Variants in ZDHHC3 observed in about 807,000 individuals in gnomAD.
ZDHHC3 encodes the protein palmitoyltransferase ZDHHC3.
Under a neutral mutation model 30.6 loss-of-function variants are expected in ZDHHC3, and 9 were observed. The ratio of observed to expected loss-of-function variants is 0.29; its 90% confidence interval spans 0.18 to 0.51. The LOEUF (loss-of-function observed/expected upper bound fraction) is 0.51. Among genes scored for constraint, ZDHHC3 ranks in the 20% least tolerant of loss-of-function variants. The pLI, the probability that ZDHHC3 is intolerant of heterozygous loss-of-function variation, is 0.97. For synonymous variants in ZDHHC3, 136 were observed against 140.2 expected (o/e 0.97, Z 0.21); for missense variants, 246 against 384.2 (o/e 0.64, Z 3.01).
chr3:44,974,304 G>T (rs909593809), intron 1 of ZDHHC3, among the ~76,000 whole-genome samples: 6 of 152,154 alleles, frequency 3.9e-5, no homozygotes, highest in African/African-American at 1.4e-4. Context: ...TTAAGACATT[G>T]GAAAATCTTT....
chr3:44,970,602 A>AT (rs930382712), intron 1 of ZDHHC3, among the ~76,000 whole-genome samples: 3 of 152,184 alleles, frequency 2.0e-5, no homozygotes, highest in East Asian at 1.9e-4. Flanking sequence ...TGGATTTTAC[A>AT]TTTTTTTACC....
At chr3:44,928,187 C>T (rs1323661134) in intron 6 of ZDHHC3, among the ~76,000 whole-genome samples, 2 of 152,210 alleles carry the variant, frequency 1.3e-5, no homozygotes, top group Admixed American at 6.5e-5. Context: ...ACTAGTTTTA[C>T]AGAAACTCTT....
chr3:44,945,312 T>G lies in ZDHHC3; in HGVS notation c.307-20A>C. 1 of 1,614,072 alleles carries G rather than the reference T, an allele frequency of 6.2e-7. No individual in the cohort carries two copies. Among genetic ancestry groups the G allele is most frequent in the Middle Eastern group, 1.7e-4 (1 of 6,060 alleles). On this transcript the variant is annotated intron_variant, in intron 2 of 6. Transcript: ENST00000424952. Reference sequence around the variant, plus strand: ...TGCCCCCTGTAGGAAAGATGAAAGGTATCAGGGTTGGGCTGGGGGTTCTAT... The same window carrying G: ...TGCCCCCTGTAGGAAAGATGAAAGGGATCAGGGTTGGGCTGGGGGTTCTAT...
At position 44,921,898 on chromosome 3, in the gene ZDHHC3, C is replaced by G; in HGVS notation, c.*4791G>C. On this transcript the variant is annotated 3_prime_UTR_variant, in exon 7 of 7. Coordinates refer to ENST00000424952, the MANE Select transcript of ZDHHC3 (RefSeq NM_001135179.2). ...CCTTATGTCCGTGTTAGAGCATGTG[C>G]GGCCCCTAGAAGGCTTTTAGCGAAC... The G allele has an allele frequency of 1.0e-6, 1 of 985,410 alleles. No homozygotes were observed. The highest frequency in any genetic ancestry group is 1.2e-6 in the Non-Finnish European group (1 of 829,922). The allele number at this position is 985,410 out of a possible 1,614,324, so 61.0% of individuals were successfully genotyped here.
intron 6 of ZDHHC3, among the ~76,000 whole-genome samples, chr3:44,927,203 C>T (rs1701068544): frequency 1.3e-5 from 2 of 152,162 alleles, no homozygotes; most frequent in Non-Finnish European, 2.9e-5. Flanking sequence ...AAACTCTGTG[C>T]TGGGCTGTGG....
At chr3:44,961,028 GA>G (rs1199721947) in intron 1 of ZDHHC3, among the ~76,000 whole-genome samples, 9 of 152,246 alleles carry the variant, frequency 5.9e-5, no homozygotes, top group Non-Finnish European at 1.3e-4. Context: ...TTGCCCAAAG[GA>G]ATATCGACTC....
Position 44,926,858 on chromosome 3 carries a change from G to C in ZDHHC3, c.742-11C>G. Reference sequence around the variant, plus strand: ...CAATTGTTCTATTCCCTGAAAACAAGAACAATCATACTTTCAGTCAAGCAC... The same window carrying C: ...CAATTGTTCTATTCCCTGAAAACAACAACAATCATACTTTCAGTCAAGCAC... On this transcript the variant is annotated splice_polypyrimidine_tract_variant and intron_variant, in intron 6 of 6. Transcript: ENST00000424952. 2 of 1,597,180 alleles carry C rather than the reference G, an allele frequency of 1.3e-6. No individual in the cohort carries two copies. Among genetic ancestry groups the C allele is most frequent in the Non-Finnish European group, 1.7e-6 (2 of 1,172,012 alleles).
At chr3:44,960,454 C>G (rs969580281) in intron 1 of ZDHHC3, among the ~76,000 whole-genome samples, 2 of 152,248 alleles carry the variant, frequency 1.3e-5, no homozygotes, top group East Asian at 1.9e-4. Flanking sequence ...GCAAAGCACT[C>G]TTTCTCTCTA....
chr3:44,972,557 G>A (rs141782440), intron 1 of ZDHHC3, among the ~76,000 whole-genome samples: 1 of 152,286 alleles, frequency 6.6e-6, no homozygotes, highest in East Asian at 1.9e-4. Context: ...ACCAAGGATG[G>A]GTGGGACAGA....
chr3:44,944,122 G>A (rs1025171655), intron 3 of ZDHHC3, among the ~76,000 whole-genome samples: 4 of 152,090 alleles, frequency 2.6e-5, no homozygotes, highest in Non-Finnish European at 5.9e-5. Context: ...GGCTGCAGAT[G>A]TGTGCCACCA....
intron 3 of ZDHHC3, among the ~76,000 whole-genome samples, chr3:44,939,287 A>G (rs1054592347): frequency 2.6e-5 from 4 of 152,378 alleles, no homozygotes; most frequent in South Asian, 2.1e-4. Flanking sequence ...AAAAATACAC[A>G]TGAATATACA....
chr3:44,923,045 T>G lies in ZDHHC3; in HGVS notation c.*3644A>C, dbSNP rs189899643. 6 of 984,792 alleles carry G rather than the reference T, an allele frequency of 6.1e-6. No homozygotes were observed. In the East Asian group the frequency reaches 4.6e-4, roughly 75 times the overall value. The allele number at this position is 984,792 out of a possible 1,614,324, so 61.0% of individuals were successfully genotyped here. On this transcript the variant is annotated 3_prime_UTR_variant, in exon 7 of 7. Transcript: ENST00000424952. Reference sequence around the variant, plus strand: ...CAGCCCACCCGGAGAGGAGTTTCTGTGTAATGCCAACCTCACATACATGTT... The same window carrying G: ...CAGCCCACCCGGAGAGGAGTTTCTGGGTAATGCCAACCTCACATACATGTT...
intron 2 of ZDHHC3, among the ~76,000 whole-genome samples, chr3:44,952,626 T>G (rs1703567360): frequency 6.6e-6 from 1 of 152,146 alleles, no homozygotes; most frequent in Non-Finnish European, 1.5e-5. Flanking sequence ...AAACAGTCCC[T>G]CCCTGTGGTC....
chr3:44,933,181 A>C lies in ZDHHC3; in HGVS notation c.547T>G (p.Ser183Ala), dbSNP rs753323503. The C allele has an allele frequency of 5.0e-6, 8 of 1,614,220 alleles. No homozygotes were observed. In the South Asian group the frequency reaches 7.7e-5, roughly 16 times the overall value. ...VLFTMYIALI[S>A]LHALIMVGFH... ...CCCACCATGATGAGGGCGTGCAAGG[A>C]AATGAGAGCTATGTACATCTGAAAC... The change falls in exon 5 of 7, where the codon TCC becomes GCC. Residue 183 changes from serine (S) to alanine (A), a missense_variant. Transcript: ENST00000424952.
chr3:44,973,973 TATC>T (rs1366154768), intron 1 of ZDHHC3, among the ~76,000 whole-genome samples: 4 of 152,222 alleles, frequency 2.6e-5, no homozygotes, highest in African/African-American at 9.6e-5. Context: ...TTTTTTTGGT[TATC>T]ATATGTTCTT....
rs1032188900 is a variant in ZDHHC3 at position 44,959,208 on chromosome 3, T to C, written c.229A>G (p.Ile77Val). 1 of 1,614,224 alleles carries C rather than the reference T, an allele frequency of 6.2e-7. No individual in the cohort carries two copies. Among genetic ancestry groups the C allele is most frequent in the Admixed American group, 1.7e-5 (1 of 60,032 alleles). The change falls in exon 2 of 7, where the codon ATC becomes GTC. Residue 77 changes from isoleucine to valine, a missense_variant. Coordinates refer to ENST00000424952, the MANE Select transcript of ZDHHC3 (RefSeq NM_001135179.2). This position sits in a 1 kb window ranked among gnomAD's most constrained non-coding sequence, Gnocchi z 4.3. ...AGGTTGAACACAATTCCGTTGATGA[T>C]GCTATACACGTAGTCTCGAGATGGA... The part of the protein sequence containing the change: ...LIPSRDYVYS[I>V]INGIVFNLLA...
Position 44,920,432 on chromosome 3 carries a change from CTGGCTG to C in ZDHHC3, c.*6251_*6256del. On this transcript the variant is annotated 3_prime_UTR_variant, in exon 7 of 7. Transcript: ENST00000424952. ...AGAGGAAACACCCAAAAATGACAGA[CTGGCTG>C]CATCCACACTGACTTGGACTCAAAG... The C allele has an allele frequency of 1.6e-6, 2 of 1,261,406 alleles. No homozygotes were observed. Among genetic ancestry groups the C allele is most frequent in the Non-Finnish European group, 2.1e-6 (2 of 970,872 alleles). 78.1% of individuals were successfully genotyped at this position (1,261,406 alleles called of 1,614,324 possible). A position where few individuals can be genotyped will look rare whatever the true frequency, so the allele number is the denominator to read the frequency against.
At position 44,924,607 on chromosome 3, in the gene ZDHHC3, G is replaced by A; in HGVS notation, c.*2082C>T. 1 of 985,462 alleles carries A rather than the reference G, an allele frequency of 1.0e-6. No individual in the cohort carries two copies. Among genetic ancestry groups the A allele is most frequent in the Non-Finnish European group, 1.2e-6 (1 of 829,938 alleles). 61.0% of individuals were successfully genotyped at this position (985,462 alleles called of 1,614,324 possible). ...CTTCAGCACTATCTACTGCATTCCTGAGAAATGCCAGGGGAAAAGAGCTAA... is the reference window on the plus strand; with the variant it reads ...CTTCAGCACTATCTACTGCATTCCTAAGAAATGCCAGGGGAAAAGAGCTAA... On this transcript the variant is annotated 3_prime_UTR_variant, in exon 7 of 7. Transcript: ENST00000424952.
At chr3:44,929,086 C>T (rs976430774) in intron 6 of ZDHHC3, among the ~76,000 whole-genome samples, 6 of 152,202 alleles carry the variant, frequency 3.9e-5, no homozygotes, top group Admixed American at 6.5e-5. Flanking sequence ...GCTGCTGGGC[C>T]GCACTCCTGG....
Sources: allele counts gnomAD v4.1 joint callset (sites outside exome capture counted in the v4.1 genomes callset), GRCh38; gene constraint gnomAD v4.1.1; non-coding constraint Gnocchi (gnomAD v3.1); transcripts MANE v1.5; gene names NCBI Gene and HGNC (gene_info 2026-07-23, HGNC 2026-07-21).